ZFHX3: variants seen among roughly 807,000 people sequenced by gnomAD.
ZFHX3 encodes zinc finger homeobox 3.
In ZFHX3, 42 loss-of-function variants were observed where a neutral mutation model predicts 279.1. That is an observed-to-expected ratio of 0.15 (90% CI 0.12 to 0.19). The LOEUF (loss-of-function observed/expected upper bound fraction) is 0.19, where lower values mean the gene tolerates loss of function less well. Among genes scored for constraint, ZFHX3 ranks in the 10% least tolerant of loss-of-function variants. The pLI is 1.00. For missense variants in ZFHX3, 4,981 were observed against 4,754.0 expected, an observed-to-expected ratio of 1.05 and a Z score of -1.40; for synonymous variants, 2,293 against 1,957.8, an observed-to-expected ratio of 1.17 and a Z score of -4.52.
chr16:73,326,692 G>T (rs2015696729), intron 3 of ZFHX3, among the ~76,000 whole-genome samples: 3 of 152,166 alleles, frequency 2.0e-5, no homozygotes, highest in Admixed American at 1.3e-4. Flanking sequence ...TTAGATTAGG[G>T]TGATGGTTGC....
intron 2 of ZFHX3, among the ~76,000 whole-genome samples, chr16:73,534,276 T>C (rs1447664637): frequency 6.6e-6 from 1 of 152,166 alleles, no homozygotes; most frequent in Non-Finnish European, 1.5e-5. Context: ...GGAATGCTCT[T>C]CTCCTTAAAT....
chr16:72,845,993 ACTTGTG>A (rs1169492900), intron 4 of ZFHX3, among the ~76,000 whole-genome samples: 2 of 152,112 alleles, frequency 1.3e-5, no homozygotes, highest in Non-Finnish European at 2.9e-5. Flanking sequence ...GAGAACACAC[ACTTGTG>A]CTTGTGCTGT....
chr16:72,811,533 G>T (rs756648668), intron 7 of ZFHX3, 44 bp downstream of exon 7: 4 of 1,504,182 alleles, frequency 2.7e-6, no homozygotes, highest in African/African-American at 2.7e-5. Flanking sequence ...CATCACCTTT[G>T]ACCCTGGAGA....
chr16:73,282,108 A>G (rs768139041), intron 4 of ZFHX3, among the ~76,000 whole-genome samples: 1 of 152,160 alleles, frequency 6.6e-6, no homozygotes, highest in Non-Finnish European at 1.5e-5. Context: ...TTTTCCAGAT[A>G]TTTGTTTGCA....
At chr16:73,831,239 G>T (rs1396838984) in intron 1 of ZFHX3, among the ~76,000 whole-genome samples, 4 of 152,142 alleles carry the variant, frequency 2.6e-5, no homozygotes, top group Non-Finnish European at 5.9e-5. Flanking sequence ...TCACATAATT[G>T]ATGGCAAGCA....
chr16:73,528,407 A>C (rs2019732233), intron 2 of ZFHX3, among the ~76,000 whole-genome samples: 2 of 152,254 alleles, frequency 1.3e-5, no homozygotes, highest in Non-Finnish European at 2.9e-5. Context: ...CCATCCTTCT[A>C]TCTATGCTTT....
At chr16:73,399,772 G>A (rs981937661) in intron 3 of ZFHX3, among the ~76,000 whole-genome samples, 1 of 151,914 alleles carries the variant, frequency 6.6e-6, no homozygotes, top group African/African-American at 2.4e-5. Flanking sequence ...TAGCTGTCTG[G>A]ATATAACAGG....
intron 1 of ZFHX3, among the ~76,000 whole-genome samples, chr16:73,680,721 G>A (rs774410153): frequency 2.6e-5 from 4 of 152,170 alleles, no homozygotes; most frequent in Non-Finnish European, 4.4e-5. Flanking sequence ...AATGGTGGGT[G>A]TATATCATGG....
chr16:73,700,079 T>C (rs1183403790), intron 1 of ZFHX3, among the ~76,000 whole-genome samples: 1 of 151,966 alleles, frequency 6.6e-6, no homozygotes, highest in African/African-American at 2.4e-5. Flanking sequence ...AAAAATTAGC[T>C]AGACATTATA....
intron 3 of ZFHX3, among the ~76,000 whole-genome samples, chr16:73,370,593 C>A (rs2016610899): frequency 6.6e-6 from 1 of 152,192 alleles, no homozygotes; most frequent in Non-Finnish European, 1.5e-5. Flanking sequence ...GCAAGCTCAA[C>A]TCAAATTTCC....
intron 2 of ZFHX3, among the ~76,000 whole-genome samples, chr16:73,459,018 C>T (rs2018425559): frequency 6.6e-6 from 1 of 152,276 alleles, no homozygotes; most frequent in Non-Finnish European, 1.5e-5. Context: ...TCTATCACAC[C>T]TATCTGCCCT....
chr16:73,140,642 G>A (rs1966845181), intron 6 of ZFHX3, among the ~76,000 whole-genome samples: 2 of 152,156 alleles, frequency 1.3e-5, no homozygotes, highest in South Asian at 4.1e-4. Context: ...GATCACTTGA[G>A]GTCAGGAGTT....
chr16:73,059,716 T>C (rs1353119695), upstream of ZFHX3: 1 of 152,200 alleles, frequency 6.6e-6, no homozygotes, highest in East Asian at 1.9e-4. Flanking sequence ...TGAGATTTTT[T>C]AACTGAAGGA....
At chr16:73,214,021 C>T (rs1361005357) in intron 5 of ZFHX3, among the ~76,000 whole-genome samples, 2 of 152,202 alleles carry the variant, frequency 1.3e-5, no homozygotes, top group Non-Finnish European at 2.9e-5. Context: ...TGATACACCT[C>T]ATTAAACATA....
Position 73,094,013 on chromosome 16 carries a change from A to G in ZFHX3, c.-896-415T>C, listed in dbSNP as rs372830387. Among the ~76,000 whole-genome samples the G allele has an allele frequency of 2.0e-4, 31 of 152,296 alleles. 4 individuals are homozygous for G. Among genetic ancestry groups the G allele is most frequent in the South Asian group, 4.2e-4 (2 of 4,816 alleles). ...AGAGTTTAGAACTGGAGCACCTGGC[A>G]GGGCAAAGGCAGGATGGGGTGAGGG... On this transcript the variant is annotated intron_variant, in intron 7 of 17. Transcript: ENST00000641206.
At chr16:73,730,227 G>C (rs2053557100) in intron 1 of ZFHX3, among the ~76,000 whole-genome samples, 1 of 151,686 alleles carries the variant, frequency 6.6e-6, no homozygotes, top group Non-Finnish European at 1.5e-5. Context: ...ATGGAAATGA[G>C]AATAAGAGAT....
At chr16:73,778,034 A>T (rs929950236) in intron 1 of ZFHX3, among the ~76,000 whole-genome samples, 1 of 152,106 alleles carries the variant, frequency 6.6e-6, no homozygotes, top group African/African-American at 2.4e-5. Context: ...TGTCTCCAGA[A>T]ATAAAAATGT....
At chr16:72,885,551 G>GTCATCCACAGGGCAGAAACTATTGCAGAA (rs1328087779) in intron 4 of ZFHX3, among the ~76,000 whole-genome samples, 9 of 152,212 alleles carry the variant, frequency 5.9e-5, no homozygotes, top group African/African-American at 1.9e-4. Context: ...GGTATTTTTT[G>GTCATCCACAGGGCAGAAACTATTGCAGAA]TCATCCACAG....
chr16:73,042,201 T>C (rs187016040), intron 1 of ZFHX3, among the ~76,000 whole-genome samples: 230 of 152,312 alleles, frequency 1.5e-3, no homozygotes, highest in Non-Finnish European at 2.3e-3. Context: ...TTTCAGGGGA[T>C]GCAGGGCTGA....
Sources: allele counts gnomAD v4.1 joint callset (sites outside exome capture counted in the v4.1 genomes callset), GRCh38; gene constraint gnomAD v4.1.1; transcripts MANE v1.5; gene names NCBI Gene and HGNC (gene_info 2026-07-23, HGNC 2026-07-21).